The following COL24A1 variants were observed in gnomAD, a reference collection of about 807,000 sequenced individuals.
COL24A1 encodes collagen type XXIV alpha 1 chain.
COL24A1 carries 224 observed loss-of-function variants against 253.9 expected under a neutral mutation model. The ratio of observed to expected loss-of-function variants is 0.88; its 90% CI spans 0.79 to 0.99. COL24A1 has a LOEUF of 0.99. Among genes scored for constraint, COL24A1 ranks in the 50% least tolerant of loss-of-function variants. The pLI is 0.00. For missense variants in COL24A1, 2,131 were observed against 2,068.5 expected, an observed-to-expected ratio of 1.03 and a Z score of -0.59; for synonymous variants, 685 against 673.7, an observed-to-expected ratio of 1.02 and a Z score of -0.26.
intron 12 of COL24A1, among the ~76,000 whole-genome samples, chr1:86,036,435 C>T (rs981880092): frequency 6.7e-6 from 1 of 148,554 alleles, no homozygotes; most frequent in African/African-American, 2.4e-5. Context: ...GAAATCTAGA[C>T]ACTTCTTGTT....
intron 20 of COL24A1, among the ~76,000 whole-genome samples, chr1:85,985,374 G>A (rs187397471): frequency 6.6e-6 from 1 of 151,874 alleles, no homozygotes; most frequent in African/African-American, 2.4e-5. Flanking sequence ...AAGAGTGATG[G>A]TGGATATGAC....
chr1:85,853,533 T>G (rs1361376125), intron 37 of COL24A1, among the ~76,000 whole-genome samples: 1 of 152,250 alleles, frequency 6.6e-6, no homozygotes, highest in Non-Finnish European at 1.5e-5. Context: ...TAAAGTTCTT[T>G]GAGAAATCTC....
rs1687143872 is a variant in COL24A1 at position 85,925,927 on chromosome 1, G to T, written c.2563-14494C>A. The stretch of plus-strand genomic sequence containing the variant: ...GAAAATTTTTGCAATCTACCCATCT[G>T]ACAAAGGGCTAATATCCAGAAACTA... On this transcript the variant is annotated intron_variant, in intron 24 of 59. Transcript: ENST00000370571. Among the ~76,000 whole-genome samples the T allele has an allele frequency of 4.6e-5, 7 of 152,136 alleles. No homozygotes were observed. The South Asian group carries it at 1.4e-3, about 32-fold the overall frequency.
chr1:85,771,150 C>T (rs370396136), intron 53 of COL24A1, among the ~76,000 whole-genome samples: 5 of 152,162 alleles, frequency 3.3e-5, no homozygotes, highest in Admixed American at 2.0e-4. Flanking sequence ...ATGTGCAGAA[C>T]GTGCAGGTTT....
In COL24A1 at chr1:85,971,412, T is replaced by G. The variant is rs775271652; in HGVS notation, c.2365-19A>C. ...GGAGTCCCTATAAAAGCAATATAAATGCACACAATAGAAATTTTAGATCAA... is the reference window on the plus strand; with the variant it reads ...GGAGTCCCTATAAAAGCAATATAAAGGCACACAATAGAAATTTTAGATCAA... On this transcript the variant is annotated intron_variant, in intron 20 of 59. Coordinates refer to ENST00000370571, the MANE Select transcript of COL24A1 (RefSeq NM_152890.7). 6.3e-6 allele frequency: 10 copies of G among 1,592,776 alleles called. No homozygotes were observed.
chr1:86,058,086 T>G, intron 9 of COL24A1, 111 bp from the exon 10 acceptor site: 1 of 779,110 alleles, frequency 1.3e-6, no homozygotes, highest in Non-Finnish European at 2.0e-6. Flanking sequence ...ACTATAGAAT[T>G]CAGAACTCTG....
chr1:85,813,762 G>T (rs920327029), intron 47 of COL24A1, among the ~76,000 whole-genome samples: 1 of 151,208 alleles, frequency 6.6e-6, no homozygotes, highest in Non-Finnish European at 1.5e-5. Flanking sequence ...CGTTTTAGCC[G>T]GGATGGTCTC....
intron 24 of COL24A1, among the ~76,000 whole-genome samples, chr1:85,945,482 G>T (rs6692637): frequency 0.032 from 4,816 of 150,970 alleles, 265 homozygotes; most frequent in African/African-American, 0.11. Context: ...CCTTTCTCTT[G>T]TACTGGAGTT....
rs1693838165 is a variant in COL24A1 at position 85,987,613 on chromosome 1, A to G, written c.2352T>C (p.Pro784=). 2 of 1,610,914 alleles carry G rather than the reference A, an allele frequency of 1.2e-6. No homozygotes were observed. Among genetic ancestry groups the G allele is most frequent in the African/African-American group, 1.3e-5 (1 of 74,864 alleles). The part of the protein sequence containing the change: ...GDIGIPGQNG[P]EGPKGLLGNR... Reference sequence around the variant, plus strand: ...TTCTTCTTCTTACCTTTGGTCCTTCAGGGCCGTTTTGTCCAGGAATCCCAA... The same window carrying G: ...TTCTTCTTCTTACCTTTGGTCCTTCGGGGCCGTTTTGTCCAGGAATCCCAA... The change falls in exon 20 of 60, where the codon CCT becomes CCC. Residue 784 remains proline (P), a synonymous_variant. Coordinates refer to ENST00000370571, the MANE Select transcript of COL24A1 (RefSeq NM_152890.7).
intron 55 of COL24A1, 38 bp from the exon 56 acceptor site, chr1:85,745,544 T>C (rs374691211): frequency 5.4e-6 from 8 of 1,488,364 alleles, no homozygotes; most frequent in South Asian, 4.7e-5. Context: ...AGCAATAAGA[T>C]CAACACTGAG....
chr1:85,889,610 A>T lies in COL24A1; in HGVS notation c.2926T>A (p.Leu976Ile). 1 of 1,613,040 alleles carries T rather than the reference A, an allele frequency of 6.2e-7. No homozygotes were observed. The highest frequency in any genetic ancestry group is 8.5e-7 in the Non-Finnish European group (1 of 1,179,200). The change falls in exon 32 of 60, where the codon TTA becomes ATA. Residue 976 changes from leucine (L) to isoleucine (I), a missense_variant. Coordinates refer to ENST00000370571, the MANE Select transcript of COL24A1 (RefSeq NM_152890.7). ...CCTGTACTTCCAGGCAATCCCTGTA[A>T]ACCCTGGACAAATAAAGGCAATACT... ...GERGFQGKPG[L>I]QGLPGSTGDR... is the part of the protein sequence containing the mutation.
chr1:85,910,068 G>T, intron 25 of COL24A1, 65 bp from the exon 26 acceptor site: 1 of 1,277,206 alleles, frequency 7.8e-7, no homozygotes, highest in Non-Finnish European at 1.1e-6. Context: ...ACTGAGCTAA[G>T]CCTAGAAAGA....
intron 27 of COL24A1, 65 bp downstream of exon 27, chr1:85,908,533 C>A: frequency 1.1e-6 from 1 of 912,788 alleles, no homozygotes; most frequent in Non-Finnish European, 1.6e-6. Context: ...TAAAGCATAA[C>A]AATTTATGAG....
chr1:85,885,780 G>T (rs1270145939), intron 32 of COL24A1, among the ~76,000 whole-genome samples: 1 of 152,176 alleles, frequency 6.6e-6, no homozygotes, highest in Non-Finnish European at 1.5e-5. Context: ...ACAGGCTGTT[G>T]CTGGGCAGAT....
chr1:85,959,009 A>G (rs2100654208), intron 24 of COL24A1, among the ~76,000 whole-genome samples: 1 of 152,284 alleles, frequency 6.6e-6, no homozygotes, highest in East Asian at 1.9e-4. Flanking sequence ...ACAAACCTGG[A>G]GGAGGGCCAG....
chr1:85,897,453 A>G (rs996658994), intron 28 of COL24A1, among the ~76,000 whole-genome samples: 3 of 152,170 alleles, frequency 2.0e-5, no homozygotes, highest in South Asian at 2.1e-4. Context: ...CTGGAATAAA[A>G]AAAAAAAGAA....
At chr1:85,773,804 T>C (rs1384456052) in intron 53 of COL24A1, among the ~76,000 whole-genome samples, 1 of 152,222 alleles carries the variant, frequency 6.6e-6, no homozygotes, top group Admixed American at 6.5e-5. Context: ...TATATAATCA[T>C]GTCATCTGCT....
At chr1:86,149,739 C>T (rs1289079863) in intron 1 of COL24A1, among the ~76,000 whole-genome samples, 2 of 152,178 alleles carry the variant, frequency 1.3e-5, no homozygotes, top group African/African-American at 4.8e-5. Flanking sequence ...AACATGTTAA[C>T]AAGTCCATTC....
intron 38 of COL24A1, 39 bp from the exon 39 acceptor site, chr1:85,847,811 A>C: frequency 1.5e-6 from 2 of 1,330,514 alleles, no homozygotes; most frequent in African/African-American, 1.5e-5. Flanking sequence ...GCAAGAAAAA[A>C]ATTTATACTT....
Sources: allele counts gnomAD v4.1 joint callset (sites outside exome capture counted in the v4.1 genomes callset), GRCh38; gene constraint gnomAD v4.1.1; transcripts MANE v1.5; gene names NCBI Gene and HGNC (gene_info 2026-07-23, HGNC 2026-07-21).